The following GNB1L variants were observed in gnomAD, a reference collection of about 807,000 sequenced individuals.
GNB1L encodes the protein G protein subunit beta 1 like.
GNB1L carries 20 observed loss-of-function variants against 29.1 expected under a neutral mutation model. The observed-to-expected ratio is 0.69, with a 90% confidence interval of 0.48 to 1.00. The LOEUF (loss-of-function observed/expected upper bound fraction) is 1.00. Among genes scored for constraint, GNB1L ranks in the 50% least tolerant of loss-of-function variants. The pLI is 0.00. For missense variants in GNB1L, 421 were observed against 464.9 expected, an observed-to-expected ratio of 0.91 and a Z score of 0.87; for synonymous variants, 193 against 206.5, an observed-to-expected ratio of 0.93 and a Z score of 0.56.
chr22:19,834,111 CA>C (rs1408045297), intron 2 of GNB1L, among the ~76,000 whole-genome samples: 1 of 151,904 alleles, frequency 6.6e-6, no homozygotes, highest in African/African-American at 2.4e-5. Context: ...TGAAATTTCA[CA>C]AACTTAGAGA....
chr22:19,788,515 C>G lies in GNB1L; in HGVS notation c.*194G>C. The G allele has an allele frequency of 1.3e-6, 1 of 765,134 alleles. No homozygotes were observed. Among genetic ancestry groups the G allele is most frequent in the Middle Eastern group, 2.3e-4 (1 of 4,372 alleles). The allele number at this position is 765,134 out of a possible 1,614,324, so 47.4% of individuals were successfully genotyped here. On this transcript the variant is annotated 3_prime_UTR_variant, in exon 8 of 8. Transcript: ENST00000329517. ...TCGGACGGCCAGGGCTCTGGCTGGC[C>G]CCCAGAGTCACCGTCCTGTGATGAG...
chr22:19,817,967 C>T (rs928879494), intron 4 of GNB1L, among the ~76,000 whole-genome samples: 1 of 152,252 alleles, frequency 6.6e-6, no homozygotes, highest in Non-Finnish European at 1.5e-5. Flanking sequence ...TGAGGGCGTC[C>T]TCCCACCTCC....
chr22:19,852,052 G>T, intron 2 of GNB1L: 2 of 1,614,218 alleles, frequency 1.2e-6, no homozygotes, highest in Non-Finnish European at 1.7e-6. Flanking sequence ...CGCCACAAGT[G>T]CCACTAGCTG....
At chr22:19,810,978 C>T (rs941488334) in intron 5 of GNB1L, among the ~76,000 whole-genome samples, 2 of 152,096 alleles carry the variant, frequency 1.3e-5, no homozygotes, top group African/African-American at 2.4e-5. Context: ...TGGGGGTGGC[C>T]GAGACCAGCG....
At chr22:19,797,780 A>G (rs1421702774) in intron 7 of GNB1L, among the ~76,000 whole-genome samples, 1 of 152,170 alleles carries the variant, frequency 6.6e-6, no homozygotes, top group Non-Finnish European at 1.5e-5. Flanking sequence ...TGCCCTTTCA[A>G]GGCCTCTCCA....
intron 7 of GNB1L, among the ~76,000 whole-genome samples, chr22:19,789,240 C>A (rs1248483565): frequency 2.6e-5 from 4 of 152,180 alleles, no homozygotes; most frequent in Admixed American, 2.0e-4. Flanking sequence ...ACAGGGAGGT[C>A]CCAGCTGCAG....
At chr22:19,838,664 T>C (rs771102039) in intron 2 of GNB1L, among the ~76,000 whole-genome samples, 1 of 152,110 alleles carries the variant, frequency 6.6e-6, no homozygotes, top group Non-Finnish European at 1.5e-5. Context: ...TTTCACCATG[T>C]TGGCCAGGAT....
rs1937507684 is a variant in GNB1L at position 19,812,217 on chromosome 22, C to T, written c.417+68G>A. The T allele has an allele frequency of 2.0e-6, 3 of 1,522,076 alleles. No homozygotes were observed. The East Asian group carries it at 6.8e-5, about 35-fold the overall frequency. 94.3% of individuals were successfully genotyped at this position (1,522,076 alleles called of 1,614,324 possible). A position where few individuals can be genotyped will look rare whatever the true frequency, so the allele number is the denominator to read the frequency against. The stretch of plus-strand genomic sequence containing the variant: ...TCCTGTGGGTAGGCGCAGGCGCCTC[C>T]TAATCAAATGCAGAGGATGAGCACA... On this transcript the variant is annotated intron_variant, in intron 5 of 7. Transcript: ENST00000329517.
At chr22:19,836,181 A>G (rs183744422) in intron 2 of GNB1L, among the ~76,000 whole-genome samples, 1 of 152,058 alleles carries the variant, frequency 6.6e-6, no homozygotes, top group East Asian at 1.9e-4. Context: ...ATAAAAAGAG[A>G]AGAGACAAAT....
rs147571103 is a variant in GNB1L at position 19,846,854 on chromosome 22, G to A, written c.-21+7589C>T. On this transcript the variant is annotated intron_variant, in intron 2 of 7. Coordinates refer to ENST00000329517, the MANE Select transcript of GNB1L (RefSeq NM_053004.3). ...AGGCTTCTAGCTCCAGAATCATGAG[G>A]AAATGTCTGTTGTTTAAGTCCCCTA... 17 of 894,012 alleles carry A rather than the reference G, an allele frequency of 1.9e-5. No individual in the cohort carries two copies. In the Admixed American group the frequency reaches 8.0e-4, roughly 42 times the overall value. 55.4% of individuals were successfully genotyped at this position (894,012 alleles called of 1,614,324 possible).
rs531274092 is a variant in GNB1L, at chr22:19,821,303, C to A, written c.53G>T (p.Gly18Val). ...CAGCGCATGCACCGGTGACTGGGTG[C>A]CTCGGAGGACAAACTGGGGGTCTGG... Reference protein sequence around the residue: ...PPPDPQFVLRGTQSPVHALHF... With the variant: ...PPPDPQFVLRVTQSPVHALHF... Residue 18 changes from glycine (G) to valine (V), a missense_variant, in exon 3 of 8, where the codon GGC becomes GTC. Coordinates refer to ENST00000329517, the MANE Select transcript of GNB1L (RefSeq NM_053004.3). 2.0e-5 allele frequency: 32 copies of A among 1,613,196 alleles called. No individual in the cohort carries two copies. Among genetic ancestry groups the A allele is most frequent in the Non-Finnish European group, 2.7e-5 (32 of 1,179,806 alleles).
Position 19,787,575 on chromosome 22 carries a change from G to A in GNB1L, c.*1134C>T, listed in dbSNP as rs1937202598. On this transcript the variant is annotated 3_prime_UTR_variant, in exon 8 of 8. Coordinates refer to ENST00000329517, the MANE Select transcript of GNB1L (RefSeq NM_053004.3). ...CATCCTGGGGGTCTGCTGGACTCGAGTCTAGTTCTAGGACTAGAAGCCCAG... is the reference window on the plus strand; with the variant it reads ...CATCCTGGGGGTCTGCTGGACTCGAATCTAGTTCTAGGACTAGAAGCCCAG... The A allele has an allele frequency of 6.6e-6, 1 of 152,350 alleles. No homozygotes were observed. The highest frequency in any genetic ancestry group is 6.5e-5 in the Admixed American group (1 of 15,294). The allele number at this position is 152,350 out of a possible 1,614,324, so 9.4% of individuals were successfully genotyped here. A position where few individuals can be genotyped will look rare whatever the true frequency, so the allele number is the denominator to read the frequency against.
chr22:19,837,848 G>C (rs1937791489), intron 2 of GNB1L, among the ~76,000 whole-genome samples: 1 of 152,208 alleles, frequency 6.6e-6, no homozygotes, highest in African/African-American at 2.4e-5. Context: ...CATGTCAGGT[G>C]AAAGAAGCCA....
intron 4 of GNB1L, among the ~76,000 whole-genome samples, chr22:19,819,044 A>G (rs1406149622): frequency 6.6e-6 from 1 of 152,084 alleles, no homozygotes; most frequent in East Asian, 1.9e-4. Flanking sequence ...TCACCTCCAC[A>G]AGACCACGGG....
chr22:19,822,143 C>T (rs1038469975), intron 2 of GNB1L, among the ~76,000 whole-genome samples: 7 of 152,194 alleles, frequency 4.6e-5, no homozygotes, highest in Non-Finnish European at 8.8e-5. Flanking sequence ...CCCTATAAGG[C>T]GGCAGCACCC....
intron 6 of GNB1L, among the ~76,000 whole-genome samples, chr22:19,804,303 C>T (rs535312343): frequency 1.1e-4 from 16 of 152,338 alleles, no homozygotes; most frequent in East Asian, 5.8e-4. Context: ...AGGCCTCATT[C>T]TGCACCCCTC....
At chr22:19,789,200 G>A (rs528418954) in intron 7 of GNB1L, among the ~76,000 whole-genome samples, 15 of 152,264 alleles carry the variant, frequency 9.9e-5, no homozygotes, top group Middle Eastern at 3.4e-3. Flanking sequence ...AGCTCTGACC[G>A]ACTCCTTCCC....
At chr22:19,851,715 T>C in intron 2 of GNB1L, 1 of 1,603,496 alleles carries the variant, frequency 6.2e-7, no homozygotes, top group Non-Finnish European at 8.5e-7. Context: ...GCAAAACTGT[T>C]CGGGTCTTGA....
intron 4 of GNB1L, among the ~76,000 whole-genome samples, chr22:19,819,270 C>G (rs1937559206): frequency 6.6e-6 from 1 of 152,254 alleles, no homozygotes; most frequent in Non-Finnish European, 1.5e-5. Flanking sequence ...GCGTGTGAAG[C>G]AGGGCCCTGT....
Sources: allele counts gnomAD v4.1 joint callset (sites outside exome capture counted in the v4.1 genomes callset), GRCh38; gene constraint gnomAD v4.1.1; transcripts MANE v1.5; gene names NCBI Gene and HGNC (gene_info 2026-07-23, HGNC 2026-07-21).